The following TRUB2 variants were observed in gnomAD, a reference collection of about 807,000 sequenced individuals.
TRUB2 encodes TruB pseudouridine synthase family member 2.
In TRUB2, 31 loss-of-function variants were observed where a neutral mutation model predicts 31.9. The ratio of observed to expected loss-of-function variants is 0.97; its 90% CI spans 0.73 to 1.31. TRUB2 has a LOEUF of 1.31. Ranked by LOEUF, TRUB2 falls within the 50% of genes most tolerant of loss-of-function variation. TRUB2 has a pLI of 0.00. For missense variants in TRUB2, 451 were observed against 439.6 expected, an observed-to-expected ratio of 1.03 and a Z score of -0.23; for synonymous variants, 201 against 182.6, an observed-to-expected ratio of 1.10 and a Z score of -0.81.
intron 2 of TRUB2, among the ~76,000 whole-genome samples, chr9:128,318,540 TG>T (rs1168689752): frequency 1.3e-4 from 19 of 151,840 alleles, no homozygotes; most frequent in African/African-American, 4.1e-4. Context: ...TGTTTTGTTT[TG>T]TTTTGTTTTG....
In TRUB2 at chr9:128,309,512, T is replaced by C; in HGVS notation, c.*38A>G. 1 of 1,578,884 alleles carries C rather than the reference T, an allele frequency of 6.3e-7. No individual in the cohort carries two copies. Among genetic ancestry groups the C allele is most frequent in the South Asian group, 1.1e-5 (1 of 88,216 alleles). On this transcript the variant is annotated 3_prime_UTR_variant, in exon 8 of 8. Coordinates refer to ENST00000372890, the MANE Select transcript of TRUB2 (RefSeq NM_015679.3). ...CAGGTCCAGCTCATAGCAGTTCTTC[T>C]ATTTATCCATCCACTGCCCCAGGAG...
At chr9:128,322,044 A>G (rs1188409593) in intron 1 of TRUB2, among the ~76,000 whole-genome samples, 1 of 152,238 alleles carries the variant, frequency 6.6e-6, no homozygotes. Context: ...GCAGTATAGC[A>G]GTAGTTAAGA....
At chr9:128,312,736 T>C (rs1480878923) in intron 5 of TRUB2, among the ~76,000 whole-genome samples, 1 of 151,584 alleles carries the variant, frequency 6.6e-6, no homozygotes, top group Admixed American at 6.6e-5. Context: ...TGCCTCAGCC[T>C]CCTGAGTAGC....
chr9:128,311,036 A>G lies in TRUB2; in HGVS notation c.534-13T>C. On this transcript the variant is annotated splice_polypyrimidine_tract_variant and intron_variant, in intron 6 of 7. Coordinates refer to ENST00000372890, the MANE Select transcript of TRUB2 (RefSeq NM_015679.3). Reference sequence around the variant, plus strand: ...GAGGTTGGAGTACCTGCAGATCAGGAAGGGGGCTGCAGCTGGGTGGCCCAC... The same window carrying G: ...GAGGTTGGAGTACCTGCAGATCAGGGAGGGGGCTGCAGCTGGGTGGCCCAC... 3 of 1,606,870 alleles carry G rather than the reference A, an allele frequency of 1.9e-6. No homozygotes were observed. Among genetic ancestry groups the G allele is most frequent in the Non-Finnish European group, 2.5e-6 (3 of 1,178,208 alleles).
intron 2 of TRUB2, among the ~76,000 whole-genome samples, chr9:128,319,170 CA>C (rs1303503465): frequency 1.3e-4 from 19 of 151,906 alleles, no homozygotes; most frequent in Middle Eastern, 3.4e-3. Flanking sequence ...ACTAAAAATA[CA>C]AAAAATTAGC....
intron 1 of TRUB2, 60 bp downstream of exon 1, chr9:128,322,240 G>C (rs1171213401): frequency 1.4e-6 from 2 of 1,447,412 alleles, no homozygotes; most frequent in Non-Finnish European, 1.9e-6. Context: ...AGGACCAGAA[G>C]CGGAGATGGA....
chr9:128,320,793 T>C (rs1186605892), intron 2 of TRUB2, among the ~76,000 whole-genome samples: 1 of 151,984 alleles, frequency 6.6e-6, no homozygotes, highest in East Asian at 1.9e-4. Flanking sequence ...ATCTCTAGAT[T>C]ACCTTTTTTT....
At chr9:128,317,666 A>G (rs1451577741) in intron 2 of TRUB2, among the ~76,000 whole-genome samples, 1 of 152,200 alleles carries the variant, frequency 6.6e-6, no homozygotes, top group Non-Finnish European at 1.5e-5. Flanking sequence ...TTACACTTCT[A>G]CAGATTAAGA....
intron 2 of TRUB2, 102 bp downstream of exon 2, chr9:128,321,497 A>C: frequency 6.3e-7 from 1 of 1,579,308 alleles, no homozygotes; most frequent in Non-Finnish European, 8.6e-7. Context: ...TCCTCTGTGG[A>C]CCTTCAAGGG....
intron 5 of TRUB2, 35 bp downstream of exon 5, chr9:128,313,773 G>A (rs374552918): frequency 8.1e-6 from 13 of 1,598,774 alleles, no homozygotes; most frequent in South Asian, 4.4e-5. Flanking sequence ...AAGCAAATGC[G>A]GAGGGAGGCA....
chr9:128,314,452 G>A lies in TRUB2; in HGVS notation c.379-563C>T, dbSNP rs12685852. On this transcript the variant is annotated intron_variant, in intron 4 of 7. Coordinates refer to ENST00000372890, the MANE Select transcript of TRUB2 (RefSeq NM_015679.3). ...TAAAAACTCCCCCTCCTCTGAATCT[G>A]TGCAGCTAACCCCATCTGCCACAGA... Among the ~76,000 whole-genome samples the A allele has an allele frequency of 5.3e-4, 81 of 152,156 alleles. No individual in the cohort carries two copies. The East Asian group carries it at 0.014, about 26-fold the overall frequency.
intron 1 of TRUB2, 55 bp downstream of exon 1, chr9:128,322,245 G>T: frequency 4.7e-6 from 7 of 1,485,232 alleles, no homozygotes; most frequent in Non-Finnish European, 6.6e-6. Context: ...CAGAAGCGGA[G>T]ATGGACTTCC....
In TRUB2 at chr9:128,321,697, T is replaced by C. The variant is rs1422430860; in HGVS notation, c.143A>G (p.Gln48Arg). 1 of 1,613,840 alleles carries C rather than the reference T, an allele frequency of 6.2e-7. No homozygotes were observed. The highest frequency in any genetic ancestry group is 8.5e-7 in the Non-Finnish European group (1 of 1,180,040). Residue 48 changes from glutamine (Q) to arginine (R), a missense_variant, in exon 2 of 8, where the codon CAG (glutamine) becomes CGG (arginine). Coordinates refer to ENST00000372890, the MANE Select transcript of TRUB2 (RefSeq NM_015679.3). ...LNARKPPAPK[Q>R]RVRFLLGPME... ...GGGGCCCAGCAAGAAGCGAACACGC[T>C]GTTTAGGAGCGGGAGGCTTCCTGGC...
At chr9:128,309,941 G>A (rs896979478) in intron 7 of TRUB2, 66 bp from the exon 8 acceptor site, 27 of 1,517,364 alleles carry the variant, frequency 1.8e-5, no homozygotes, top group South Asian at 8.6e-5. Flanking sequence ...GGTTGTGAAC[G>A]CACACCCCTT....
At position 128,307,929 on chromosome 9, in the gene TRUB2, G is replaced by C. The variant is rs1831894455; in HGVS notation, c.*1621C>G. On this transcript the variant is annotated 3_prime_UTR_variant, in exon 8 of 8. Transcript: ENST00000372890. ...AAACAAAAACAGGCCGGGTGTGGTG[G>C]CTCATGCCTGCCATCCCAGTGCTTT... is the stretch of plus-strand genomic sequence containing the variant. The C allele has an allele frequency of 6.6e-6, 1 of 151,932 alleles. No individual in the cohort carries two copies. Among genetic ancestry groups the C allele is most frequent in the African/African-American group, 2.4e-5 (1 of 41,292 alleles). The allele number at this position is 151,932 out of a possible 1,614,324, so 9.4% of individuals were successfully genotyped here. A position where few individuals can be genotyped will look rare whatever the true frequency, so the allele number is the denominator to read the frequency against.
chr9:128,306,117 A>T lies in TRUB2; in HGVS notation c.*3433T>A, dbSNP rs1831861615. 1 of 152,190 alleles carries T rather than the reference A, an allele frequency of 6.6e-6. No homozygotes were observed. The highest frequency in any genetic ancestry group is 1.5e-5 in the Non-Finnish European group (1 of 68,030). 9.4% of individuals were successfully genotyped at this position (152,190 alleles called of 1,614,324 possible). On this transcript the variant is annotated 3_prime_UTR_variant, in exon 8 of 8. Transcript: ENST00000372890. ...CAGAGTTAAAGACACAGGATAAGGA[A>T]AACATCTCCTTATCCAAGTGATTTG...
At chr9:128,310,527 G>A (rs1217262036) in intron 7 of TRUB2, among the ~76,000 whole-genome samples, 1 of 151,936 alleles carries the variant, frequency 6.6e-6, no homozygotes, top group Non-Finnish European at 1.5e-5. Context: ...GATAAGAGGG[G>A]CCTGAGCTGG....
At position 128,309,310 on chromosome 9, in the gene TRUB2, C is replaced by G. The variant is rs532990790; in HGVS notation, c.*240G>C. The G allele has an allele frequency of 7.8e-6, 4 of 515,646 alleles. No individual in the cohort carries two copies. The highest frequency in any genetic ancestry group is 1.4e-5 in the Non-Finnish European group (4 of 286,878). The allele number at this position is 515,646 out of a possible 1,614,324, so 31.9% of individuals were successfully genotyped here. The stretch of plus-strand genomic sequence containing the variant: ...GGGAGTAGCTGGGATTACAAGTGCC[C>G]GCCACCACGCCTGGTCTGCCAATAC... On this transcript the variant is annotated 3_prime_UTR_variant, in exon 8 of 8. Transcript: ENST00000372890.
At chr9:128,320,341 T>C (rs1832142665) in intron 2 of TRUB2, among the ~76,000 whole-genome samples, 1 of 151,832 alleles carries the variant, frequency 6.6e-6, no homozygotes, top group Non-Finnish European at 1.5e-5. Context: ...GGCTAATTTT[T>C]TTTTTTTTTT....
Sources: allele counts gnomAD v4.1 joint callset (sites outside exome capture counted in the v4.1 genomes callset), GRCh38; gene constraint gnomAD v4.1.1; transcripts MANE v1.5; gene names NCBI Gene and HGNC (gene_info 2026-07-23, HGNC 2026-07-21).